ZNF33A: variants seen among roughly 807,000 people sequenced by gnomAD.
The protein encoded by ZNF33A is zinc finger protein 33A.
A neutral mutation model predicts 15.9 loss-of-function variants in ZNF33A; 9 were observed. The observed-to-expected ratio is 0.57, with a 90% confidence interval of 0.34 to 0.99. The LOEUF is 0.99. Ranked by LOEUF, ZNF33A falls within the 50% of genes least tolerant of loss-of-function variation. The pLI is 0.02. For missense variants in ZNF33A, 843 were observed against 941.6 expected (o/e 0.90, Z 1.37); for synonymous variants, 294 against 324.2 (o/e 0.91, Z 1.00).
Position 38,056,241 on chromosome 10 carries a change from C to A in ZNF33A, c.2117C>A (p.Ser706Ter). The A allele has an allele frequency of 6.2e-7, 1 of 1,614,120 alleles. No homozygotes were observed. The highest frequency in any genetic ancestry group is 8.5e-7 in the Non-Finnish European group (1 of 1,179,984). Residue 706 changes from serine (S) to a stop codon, truncating the protein, a stop_gained, in exon 5 of 5, where the codon TCA becomes TAA. Coordinates refer to ENST00000432900, the MANE Select transcript of ZNF33A (RefSeq NM_006954.2). LOFTEE classifies it low-confidence loss of function (END_TRUNC). ...NECGKFFRHK[S>*]SLTVHHRAHT... ...TGTGGGAAATTCTTCAGGCACAAAT[C>A]ATCACTCACAGTACATCACAGGGCT...
At chr10:38,035,333 G>T (rs1381505100) in intron 4 of ZNF33A, among the ~76,000 whole-genome samples, 1 of 151,838 alleles carries the variant, frequency 6.6e-6, no homozygotes, top group African/African-American at 2.4e-5. Context: ...GGACAGGCTG[G>T]TCTCGAACTC....
intron 4 of ZNF33A, among the ~76,000 whole-genome samples, chr10:38,035,880 T>C (rs566083558): frequency 5.9e-5 from 9 of 152,312 alleles, no homozygotes; most frequent in Admixed American, 4.6e-4. Context: ...TTTGGTTTCA[T>C]TGGTGATTTC....
At chr10:38,047,049 G>A (rs1043901811) in intron 4 of ZNF33A, among the ~76,000 whole-genome samples, 2 of 151,260 alleles carry the variant, frequency 1.3e-5, no homozygotes, top group East Asian at 2.0e-4. Context: ...GTGTGGTGGT[G>A]CATGCCTGTG....
At position 38,043,702 on chromosome 10, in the gene ZNF33A, A is replaced by G. The variant is rs532532464; in HGVS notation, c.251-10673A>G. Among the ~76,000 whole-genome samples, 9 of 152,118 alleles carry G rather than the reference A, an allele frequency of 5.9e-5. No individual in the cohort carries two copies. The Middle Eastern group carries it at 0.01, about 172-fold the overall frequency. On this transcript the variant is annotated intron_variant, in intron 4 of 4. Coordinates refer to ENST00000432900, the MANE Select transcript of ZNF33A (RefSeq NM_006954.2). ...AAAAAAAAAAATTTTTTTTTCAGTCACTGAATATGTCATCCTGCCTCCTTC... is the reference window on the plus strand; with the variant it reads ...AAAAAAAAAAATTTTTTTTTCAGTCGCTGAATATGTCATCCTGCCTCCTTC...
intron 4 of ZNF33A, chr10:38,039,318 G>A (rs1282271854): frequency 4.0e-5 from 15 of 375,906 alleles, no homozygotes; most frequent in South Asian, 2.9e-4. Flanking sequence ...GACTTCCCAG[G>A]CTCAGGCAAT....
At chr10:38,053,076 G>A (rs758565511) in intron 4 of ZNF33A, among the ~76,000 whole-genome samples, 5 of 151,182 alleles carry the variant, frequency 3.3e-5, no homozygotes, top group Non-Finnish European at 5.9e-5. Flanking sequence ...TAAAATTATT[G>A]CTTCTTCTTT....
intron 4 of ZNF33A, among the ~76,000 whole-genome samples, chr10:38,032,264 G>C (rs1444967282): frequency 8.5e-5 from 13 of 152,156 alleles, no homozygotes; most frequent in Non-Finnish European, 1.8e-4. Context: ...GTGGTTGGCT[G>C]TAAGAACAAT....
chr10:38,010,611 G>T (rs756873986), upstream of ZNF33A: 49 of 1,189,328 alleles, frequency 4.1e-5, no homozygotes, highest in South Asian at 5.9e-4. Context: ...TCCAGGTAGG[G>T]CGCCAACAGC....
intron 4 of ZNF33A, among the ~76,000 whole-genome samples, chr10:38,039,235 C>CT (rs1564857156): frequency 6.9e-6 from 1 of 145,250 alleles, no homozygotes. Flanking sequence ...TGTTTTTTGT[C>CT]TTTTTTGAGA....
chr10:38,016,038 C>A, intron 2 of ZNF33A: 5 of 1,229,150 alleles, frequency 4.1e-6, no homozygotes, highest in Non-Finnish European at 5.1e-6. Context: ...CCGCTGTACT[C>A]CACAGAGGTT....
At chr10:38,012,429 T>C in intron 2 of ZNF33A, 79 bp downstream of exon 2, 2 of 1,247,634 alleles carry the variant, frequency 1.6e-6, no homozygotes. Context: ...GTGTTTGTTT[T>C]TTTTTTTTTT....
At chr10:38,010,587 C>A, upstream of ZNF33A, 3 of 973,814 alleles carry the variant, frequency 3.1e-6, no homozygotes, top group East Asian at 2.4e-5. Flanking sequence ...CCCGGCCTCA[C>A]GGGAAAGGTA....
chr10:38,064,400 TG>T, downstream of ZNF33A: 1 of 405,094 alleles, frequency 2.5e-6, no homozygotes. Flanking sequence ...TCCTTGGAGC[TG>T]CTGTCCTCCC....
In ZNF33A at chr10:38,056,419, T is replaced by C. The variant is rs746099309; in HGVS notation, c.2295T>C (p.Ile765=). The part of the protein sequence containing the change: ...RKTFSQKSNL[I]VHQRRHIGEN... Reference sequence around the variant, plus strand: ...CTTTCTCTCAAAAGTCAAATCTCATTGTACATCAGAGAAGACATATAGGAG... The same window carrying C: ...CTTTCTCTCAAAAGTCAAATCTCATCGTACATCAGAGAAGACATATAGGAG... The change falls in exon 5 of 5, where the codon ATT becomes ATC. Residue 765 remains isoleucine, a synonymous_variant. Coordinates refer to ENST00000432900, the MANE Select transcript of ZNF33A (RefSeq NM_006954.2). 1.2e-6 allele frequency: 2 copies of C among 1,614,088 alleles called. No individual in the cohort carries two copies. Among genetic ancestry groups the C allele is most frequent in the Non-Finnish European group, 1.7e-6 (2 of 1,179,952 alleles).
At chr10:38,014,922 G>A (rs2064378311) in intron 2 of ZNF33A, among the ~76,000 whole-genome samples, 1 of 152,016 alleles carries the variant, frequency 6.6e-6, no homozygotes, top group African/African-American at 2.4e-5. Flanking sequence ...CGCCCAGGCT[G>A]GAGTGCAGTG....
chr10:38,053,131 G>A (rs543001283), intron 4 of ZNF33A, among the ~76,000 whole-genome samples: 77 of 151,886 alleles, frequency 5.1e-4, no homozygotes, highest in Non-Finnish European at 8.8e-4. Context: ...TCAAGTTTCA[G>A]TCAAGTGTAG....
In ZNF33A at chr10:38,057,125, T is replaced by C. The variant is rs1007076134; in HGVS notation, c.*565T>C. The C allele has an allele frequency of 2.8e-6, 2 of 720,452 alleles. No homozygotes were observed. Among genetic ancestry groups the C allele is most frequent in the Non-Finnish European group, 3.4e-6 (2 of 587,384 alleles). 44.6% of individuals were successfully genotyped at this position (720,452 alleles called of 1,614,324 possible). ...TTTGCATGCACTCTGTGTGTGTGTG[T>C]ACGTGTATGTGTGTGTGTGTGGTTA... On this transcript the variant is annotated 3_prime_UTR_variant, in exon 5 of 5. Transcript: ENST00000432900.
At chr10:38,015,638 A>G (rs1484630429) in intron 2 of ZNF33A, among the ~76,000 whole-genome samples, 2 of 152,130 alleles carry the variant, frequency 1.3e-5, no homozygotes, top group South Asian at 2.1e-4. Flanking sequence ...CAAATTTAAT[A>G]TAATTAGGAT....
At chr10:38,043,418 A>C (rs1437984571) in intron 4 of ZNF33A, among the ~76,000 whole-genome samples, 3 of 151,938 alleles carry the variant, frequency 2.0e-5, no homozygotes, top group African/African-American at 7.3e-5. Context: ...TAATGGGTGC[A>C]GCACACCAAC....
Sources: gnomAD v4.1 joint callset for allele counts (sites outside exome capture counted in the v4.1 genomes callset) on GRCh38, gnomAD v4.1.1 for gene constraint, MANE v1.5 for transcripts, NCBI Gene and HGNC (gene_info 2026-07-23, HGNC 2026-07-21) for gene names.